Variants in NCAPD3 observed in about 807,000 individuals in gnomAD.
NCAPD3 encodes the protein non-SMC condensin II complex subunit D3.
In NCAPD3, 105 loss-of-function variants were observed where a neutral mutation model predicts 182.9. The ratio of observed to expected loss-of-function variants is 0.57; its 90% CI spans 0.49 to 0.68. The LOEUF (loss-of-function observed/expected upper bound fraction) is 0.68. Among genes scored for constraint, NCAPD3 ranks in the 30% least tolerant of loss-of-function variants. The probability of loss-of-function intolerance (pLI) is 0.00; values close to 1 mark genes in which losing one functional copy is unlikely to be tolerated. For missense variants in NCAPD3, 1,944 were observed against 1,837.0 expected (o/e 1.06, Z -1.07); for synonymous variants, 815 against 679.9 (o/e 1.20, Z -3.09).
intron 10 of NCAPD3, 66 bp from the exon 11 acceptor site, chr11:134,203,972 C>T (rs1944800909): frequency 6.2e-7 from 1 of 1,601,786 alleles, no homozygotes. Context: ...CCTCCTCATT[C>T]AGACCTAGAA....
chr11:134,158,481 T>A lies in NCAPD3; in HGVS notation c.3882A>T (p.Leu1294Phe). ...VAPVAQVALC[L>F]ETVPVPAGQE... ...GGCCAGCAGGAACTGGCACTGTTTCTAAACACAGGGCAACCTGGTAGAGAA... is the reference window on the plus strand; with the variant it reads ...GGCCAGCAGGAACTGGCACTGTTTCAAAACACAGGGCAACCTGGTAGAGAA... The change falls in exon 30 of 35, where the codon TTA (leucine) becomes TTT (phenylalanine). Residue 1294 changes from leucine (L) to phenylalanine (F), a missense_variant. By Grantham distance (22) the Leu-to-Phe change is conservative. Transcript: ENST00000534548. The A allele has an allele frequency of 6.2e-7, 1 of 1,613,854 alleles. No individual in the cohort carries two copies. The highest frequency in any genetic ancestry group is 8.5e-7 in the Non-Finnish European group (1 of 1,180,018).
rs371969297 is a variant in NCAPD3, at chr11:134,194,658, C to G, written c.1689+7G>C. On this transcript the variant is annotated splice_region_variant and intron_variant, in intron 14 of 34. Coordinates refer to ENST00000534548, the MANE Select transcript of NCAPD3 (RefSeq NM_015261.3). Reference sequence around the variant, plus strand: ...TAAAAAAAAAAATGTGCAGAGAAAACTCCCACCTGCAGTGCAGACTTCCTA... The same window carrying G: ...TAAAAAAAAAAATGTGCAGAGAAAAGTCCCACCTGCAGTGCAGACTTCCTA... 39 of 1,567,934 alleles carry G rather than the reference C, an allele frequency of 2.5e-5. No homozygotes were observed. The highest frequency in any genetic ancestry group is 3.3e-5 in the Non-Finnish European group (38 of 1,159,510).
At chr11:134,213,904 G>A (rs907870635) in intron 3 of NCAPD3, among the ~76,000 whole-genome samples, 4 of 152,012 alleles carry the variant, frequency 2.6e-5, no homozygotes, top group African/African-American at 9.7e-5. Context: ...ATCTGTATCC[G>A]TCAGACTTTC....
At chr11:134,170,845 A>C (rs1431594156) in intron 24 of NCAPD3, among the ~76,000 whole-genome samples, 2 of 152,242 alleles carry the variant, frequency 1.3e-5, no homozygotes, top group African/African-American at 4.8e-5. Context: ...TGGAAGCCAC[A>C]GCCAATGTGT....
chr11:134,208,526 T>A (rs1420894867), intron 7 of NCAPD3, among the ~76,000 whole-genome samples: 1 of 152,188 alleles, frequency 6.6e-6, no homozygotes, highest in African/African-American at 2.4e-5. Flanking sequence ...AATATTCCTA[T>A]AGAAGTAAGT....
At chr11:134,163,269 T>A (rs1224566579) in intron 27 of NCAPD3, among the ~76,000 whole-genome samples, 1 of 152,200 alleles carries the variant, frequency 6.6e-6, no homozygotes, top group Non-Finnish European at 1.5e-5. Flanking sequence ...TCCATGAGCT[T>A]TGACAAAAGT....
intron 3 of NCAPD3, among the ~76,000 whole-genome samples, chr11:134,211,058 G>A (rs926341498): frequency 7.2e-5 from 11 of 152,224 alleles, no homozygotes; most frequent in African/African-American, 2.7e-4. Context: ...GGAGCAAGAA[G>A]ATGAATTATT....
Position 134,192,867 on chromosome 11 carries a change from C to A in NCAPD3, c.1867G>T (p.Gly623Trp). 1.2e-6 allele frequency: 2 copies of A among 1,613,998 alleles called. No individual in the cohort carries two copies. Among genetic ancestry groups the A allele is most frequent in the East Asian group, 2.2e-5 (1 of 44,878 alleles). Residue 623 changes from glycine to tryptophan, a missense_variant, in exon 16 of 35, where the codon GGG becomes TGG. Transcript: ENST00000534548. ...CAGTCCATCACCACCGGGACCACCC[C>A]CCGCAACCAGGCTTTCTGGATCTGC... is the stretch of plus-strand genomic sequence containing the variant. ...CVQIQKAWLR[G>W]VVPVVMDCES... is the part of the protein sequence containing the mutation.
At chr11:134,170,779 G>A (rs1262513538) in intron 24 of NCAPD3, among the ~76,000 whole-genome samples, 1 of 152,244 alleles carries the variant, frequency 6.6e-6, no homozygotes, top group African/African-American at 2.4e-5. Context: ...AACCATGCCA[G>A]GATTCACACG....
At chr11:134,154,600 TCCTGGGTGGTGCAGCCTCGC>T (rs1943366824) in intron 32 of NCAPD3, among the ~76,000 whole-genome samples, 1 of 140,426 alleles carries the variant, frequency 7.1e-6, no homozygotes, top group African/African-American at 2.7e-5. Context: ...GCCTCGCCCC[TCCTGGGTGGTGCAGCCTCGC>T]CCCTCCTGGG....
At chr11:134,166,856 T>G (rs1216394529) in intron 27 of NCAPD3, among the ~76,000 whole-genome samples, 2 of 66,544 alleles carry the variant, frequency 3.0e-5, no homozygotes, top group South Asian at 6.4e-4. Context: ...CGCACACTCA[T>G]GAGAGGAGCT....
intron 27 of NCAPD3, among the ~76,000 whole-genome samples, chr11:134,164,185 G>A (rs370734989): frequency 6.6e-6 from 1 of 152,140 alleles, no homozygotes; most frequent in East Asian, 1.9e-4. Context: ...GCCAAGCTCT[G>A]CCCCAGTCAT....
At chr11:134,176,426 C>G in intron 23 of NCAPD3, 40 bp from the exon 24 acceptor site, 1 of 1,564,404 alleles carries the variant, frequency 6.4e-7, no homozygotes, top group Non-Finnish European at 8.8e-7. Context: ...AGTGCGTCAT[C>G]ATGGGCAAGC....
At chr11:134,200,206 T>C (rs1350288984) in intron 13 of NCAPD3, among the ~76,000 whole-genome samples, 3 of 152,170 alleles carry the variant, frequency 2.0e-5, no homozygotes, top group African/African-American at 7.2e-5. Flanking sequence ...TTCTTAGCTA[T>C]GTGATACCAA....
At chr11:134,163,257 C>T (rs1017170800) in intron 27 of NCAPD3, among the ~76,000 whole-genome samples, 1 of 152,182 alleles carries the variant, frequency 6.6e-6, no homozygotes, top group Admixed American at 6.5e-5. Context: ...TAAACAAACA[C>T]TTCCATGAGC....
In NCAPD3 at chr11:134,168,977, A is replaced by C; in HGVS notation, c.3179T>G (p.Ile1060Ser). 1 of 1,614,040 alleles carries C rather than the reference A, an allele frequency of 6.2e-7. No individual in the cohort carries two copies. The highest frequency in any genetic ancestry group is 8.5e-7 in the Non-Finnish European group (1 of 1,179,906). The change falls in exon 25 of 35, where the codon ATT (isoleucine) becomes AGT (serine). Residue 1060 changes from isoleucine (I) to serine (S), a missense_variant. Ile to Ser is a moderately radical substitution (Grantham distance 142, BLOSUM62 -2). Transcript: ENST00000534548. ...VMFFQHFIECIFHFNNYEKHE... is the reference protein window; with the variant it reads ...VMFFQHFIECSFHFNNYEKHE... ...CTTCTCATAGTTATTAAAGTGAAAA[A>C]TACATTCAATGAAGTGTTGGAAGAA...
At chr11:134,225,367 C>G (rs1159129861), upstream of NCAPD3, 9 of 1,611,728 alleles carry the variant, frequency 5.6e-6, no homozygotes, top group South Asian at 9.9e-5. Flanking sequence ...CCCGGGACCC[C>G]CTCCCCCAGC....
intron 28 of NCAPD3, among the ~76,000 whole-genome samples, chr11:134,160,669 G>A (rs1024172705): frequency 6.6e-6 from 1 of 152,192 alleles, no homozygotes; most frequent in Non-Finnish European, 1.5e-5. Flanking sequence ...CCAGGGGCAA[G>A]ACCACTTTGC....
chr11:134,175,452 A>T (rs907067597), intron 24 of NCAPD3, among the ~76,000 whole-genome samples: 6 of 152,224 alleles, frequency 3.9e-5, no homozygotes, highest in African/African-American at 1.4e-4. Flanking sequence ...CTGGTTTGTT[A>T]TGTGAAATGT....
Sources: allele counts gnomAD v4.1 joint callset (sites outside exome capture counted in the v4.1 genomes callset), GRCh38; gene constraint gnomAD v4.1.1; transcripts MANE v1.5; gene names NCBI Gene and HGNC (gene_info 2026-07-23, HGNC 2026-07-21).